The following USP9X variants were observed in gnomAD, a reference collection of about 807,000 sequenced individuals.
The protein encoded by USP9X is ubiquitin carboxyl-terminal hydrolase 9X.
Under a neutral mutation model 190.3 loss-of-function variants are expected in USP9X, and 7 were observed. That is an observed-to-expected ratio of 0.04 (90% CI 0.02 to 0.07). The LOEUF (loss-of-function observed/expected upper bound fraction) is 0.07, where lower values mean the gene tolerates loss of function less well. Ranked by LOEUF, USP9X falls within the 10% of genes least tolerant of loss-of-function variation. USP9X has a pLI of 1.00. For synonymous variants in USP9X, 645 were observed against 659.5 expected, an observed-to-expected ratio of 0.98 and a Z score of 0.34; for missense variants, 1,010 against 1,916.9, an observed-to-expected ratio of 0.53 and a Z score of 8.83.
chrX:41,178,825 A>C (rs1437882843), intron 21 of USP9X, among the ~76,000 whole-genome samples: 1 of 111,982 alleles, frequency 8.9e-6, no homozygotes, highest in Non-Finnish European at 1.9e-5. Context: ...GTTTTCTTCT[A>C]GTAGTTTTAT....
At chrX:41,149,851 G>A (rs1277113803) in intron 12 of USP9X, among the ~76,000 whole-genome samples, 5 of 109,959 alleles carry the variant, frequency 4.5e-5, no homozygotes, top group African/African-American at 9.9e-5. Flanking sequence ...TTACAGACAC[G>A]TGCCACCACA....
intron 14 of USP9X, among the ~76,000 whole-genome samples, chrX:41,159,372 A>C (rs1166659571): frequency 9.0e-6 from 1 of 111,636 alleles, no homozygotes; most frequent in African/African-American, 3.3e-5. Context: ...CCCACCTTGC[A>C]AAATATTAAT....
At chrX:41,180,882 A>G (rs1425204234) in intron 21 of USP9X, among the ~76,000 whole-genome samples, 1 of 112,172 alleles carries the variant, frequency 8.9e-6, no homozygotes, top group Non-Finnish European at 1.9e-5. Flanking sequence ...GATAAACTCA[A>G]CTTAAACCAC....
intron 4 of USP9X, among the ~76,000 whole-genome samples, chrX:41,133,844 A>C (rs1326325863): frequency 8.9e-6 from 1 of 112,375 alleles, no homozygotes; most frequent in Non-Finnish European, 1.9e-5. Context: ...TTTATCAGTT[A>C]ACACGTAAGT....
intron 1 of USP9X, among the ~76,000 whole-genome samples, chrX:41,086,755 A>AG (rs1268393927): frequency 2.7e-5 from 3 of 112,553 alleles, no homozygotes; most frequent in Non-Finnish European, 5.6e-5. Context: ...AAGCCGTGAA[A>AG]GGGGTTTTTG....
intron 6 of USP9X, among the ~76,000 whole-genome samples, chrX:41,137,444 A>G (rs1449493903): frequency 1.8e-5 from 2 of 111,873 alleles, no homozygotes; most frequent in South Asian, 3.6e-4. Context: ...AATGAAATCA[A>G]TATAGTAAAT....
At chrX:41,179,391 A>G (rs2062807034) in intron 21 of USP9X, among the ~76,000 whole-genome samples, 1 of 112,027 alleles carries the variant, frequency 8.9e-6, no homozygotes, top group Non-Finnish European at 1.9e-5. Context: ...ACCCATGAAC[A>G]TAGAATATTT....
rs776259366 is a variant in USP9X, at chrX:41,166,221, C to T, written c.2328+7C>T. The T allele has an allele frequency of 2.2e-5, 25 of 1,123,525 alleles. No homozygotes were observed. In the African/African-American group the frequency reaches 2.6e-4, roughly 11 times the overall value. 92.6% of individuals were successfully genotyped at this position (1,123,525 alleles called of 1,213,427 possible). On this transcript the variant is annotated splice_region_variant and intron_variant, in intron 16 of 44. Transcript: ENST00000378308. ...ATTAGATTACCTTTGGAGGGTAAGT[C>T]AAAAGTAGGAACTCTGTAAATGGTG...
intron 39 of USP9X, 52 bp from the exon 40 acceptor site, chrX:41,224,690 T>A (rs888366166): frequency 1.9e-5 from 19 of 998,544 alleles, no homozygotes; most frequent in Non-Finnish European, 2.6e-5. Flanking sequence ...TTGTGTATTA[T>A]TATTGTGAAG....
chrX:41,119,055 C>T (rs4827048), intron 1 of USP9X, among the ~76,000 whole-genome samples: 41,280 of 110,821 alleles, frequency 0.37, 6,287 homozygotes, highest in East Asian at 0.51. Context: ...ACCTTCTTCT[C>T]ATGCGTCCCC....
rs780111326 is a variant in USP9X at position 41,098,762 on chromosome X, G to A, written c.-159+12653G>A. ...GTAGAGATGGGGTTTCGCCACATTG[G>A]CCAGGCTGGTCTCGAACTGCTGACT... On this transcript the variant is annotated intron_variant, in intron 1 of 44. Coordinates refer to ENST00000378308, the MANE Select transcript of USP9X (RefSeq NM_001039591.3). Among the ~76,000 whole-genome samples the A allele has an allele frequency of 1.6e-4, 17 of 109,377 alleles. No homozygotes were observed. In the South Asian group the frequency reaches 6.7e-3, roughly 43 times the overall value. The allele number at this position is 109,377 out of a possible 115,157, so 95.0% of individuals were successfully genotyped here. A position where few individuals can be genotyped will look rare whatever the true frequency, so the allele number is the denominator to read the frequency against.
chrX:41,100,778 C>T (rs969656170), intron 1 of USP9X, among the ~76,000 whole-genome samples: 1 of 111,058 alleles, frequency 9.0e-6, no homozygotes, highest in Non-Finnish European at 1.9e-5. Context: ...TCCTCAGTAG[C>T]TGGGATTACT....
chrX:41,089,903 G>GTTTTTTTTTTT (rs139093155), intron 1 of USP9X, among the ~76,000 whole-genome samples: 13 of 30,356 alleles, frequency 4.3e-4, no homozygotes, highest in Admixed American at 5.8e-4. Context: ...ATCTATGAGG[G>GTTTTTTTTTTT]TTTTTTTTTT....
In USP9X at chrX:41,162,811, A is replaced by T. The variant is rs1378381895; in HGVS notation, c.1919A>T (p.Gln640Leu). ...YARDHEDYDP[Q>L]TVRLGSRYSH... Reference sequence around the variant, plus strand: ...GCAGACCATGAAGATTATGACCCACAAACTGTGAGGCTGGGAAGTAGATAT... The same window carrying T: ...GCAGACCATGAAGATTATGACCCACTAACTGTGAGGCTGGGAAGTAGATAT... The change falls in exon 15 of 45, where the codon CAA becomes CTA. Residue 640 changes from glutamine (Q) to leucine (L), a missense_variant. Gln to Leu is a moderately radical substitution (Grantham distance 113). Transcript: ENST00000378308. The T allele has an allele frequency of 8.3e-7, 1 of 1,209,726 alleles. No individual in the cohort carries two copies. Among genetic ancestry groups the T allele is most frequent in the East Asian group, 3.0e-5 (1 of 33,807 alleles).
chrX:41,097,670 A>C (rs963090355), intron 1 of USP9X, among the ~76,000 whole-genome samples: 5 of 112,331 alleles, frequency 4.5e-5, no homozygotes, highest in Non-Finnish European at 9.4e-5. Flanking sequence ...ATTGTTTTAC[A>C]TGTTTTACAA....
chrX:41,149,710 C>CTT (rs11445571), intron 12 of USP9X, among the ~76,000 whole-genome samples: 177 of 103,774 alleles, frequency 1.7e-3, no homozygotes, highest in African/African-American at 5.9e-3. Flanking sequence ...TGAATAATTA[C>CTT]TTTTTTTTTT....
chrX:41,085,701 C>G lies in USP9X; in HGVS notation c.-567C>G, dbSNP rs1288040359. ...CGAGGAGCGAGCTACTTCAAAGCCA[C>G]CAGGCCTGGAGCGGGGACAGAGGCG... On this transcript the variant is annotated 5_prime_UTR_variant, in exon 1 of 45. Coordinates refer to ENST00000378308, the MANE Select transcript of USP9X (RefSeq NM_001039591.3). 6.8e-6 allele frequency: 2 copies of G among 294,873 alleles called. No individual in the cohort carries two copies. The highest frequency in any genetic ancestry group is 1.2e-4 in the Admixed American group (2 of 16,294). 24.3% of individuals were successfully genotyped at this position (294,873 alleles called of 1,213,427 possible).
intron 31 of USP9X, 108 bp downstream of exon 31, chrX:41,201,388 T>G (rs1354276579): frequency 6.2e-6 from 5 of 802,957 alleles, no homozygotes; most frequent in Non-Finnish European, 8.9e-6. Context: ...AAAGTATATT[T>G]GAAAGTTAGG....
At chrX:41,190,966 T>A (rs926072500) in intron 26 of USP9X, among the ~76,000 whole-genome samples, 3 of 111,627 alleles carry the variant, frequency 2.7e-5, no homozygotes, top group African/African-American at 9.8e-5. Flanking sequence ...AATCCATTAT[T>A]TCCCGTTAGT....
Sources: gnomAD v4.1 joint callset for allele counts (sites outside exome capture counted in the v4.1 genomes callset) on GRCh38, gnomAD v4.1.1 for gene constraint, MANE v1.5 for transcripts, NCBI Gene and HGNC (gene_info 2026-07-23, HGNC 2026-07-21) for gene names.